Variants in PARD3B observed in about 807,000 individuals in gnomAD.
PARD3B encodes the protein partitioning defective 3 homolog B.
In PARD3B, 103 loss-of-function variants were observed where a neutral mutation model predicts 130.2. The observed-to-expected ratio is 0.79, with a 90% confidence interval of 0.67 to 0.93. The LOEUF is 0.93. Ranked by LOEUF, PARD3B falls within the 40% of genes least tolerant of loss-of-function variation. The pLI is 0.00. For missense variants in PARD3B, 1,609 were observed against 1,499.2 expected (o/e 1.07, Z -1.21); for synonymous variants, 583 against 553.2 (o/e 1.05, Z -0.76).
intron 1 of PARD3B, among the ~76,000 whole-genome samples, chr2:204,599,341 C>A (rs1048427279): frequency 6.6e-6 from 1 of 151,898 alleles, no homozygotes; most frequent in Non-Finnish European, 1.5e-5. Flanking sequence ...TACCTCTTTT[C>A]CCCCTACCTA....
At chr2:205,092,802 C>T (rs1307838979) in intron 4 of PARD3B, among the ~76,000 whole-genome samples, 3 of 152,118 alleles carry the variant, frequency 2.0e-5, no homozygotes, top group Admixed American at 6.6e-5. Flanking sequence ...AGTTTCCTTT[C>T]TCAGCTGGTG....
rs114862027 is a variant in PARD3B at position 205,118,874 on chromosome 2, G to A, written c.681-47G>A. ...ATAGTTGCAAGTGGAGAAATAATTAGCATTTATTATTCAGTAATTATATTT... is the reference window on the plus strand; with the variant it reads ...ATAGTTGCAAGTGGAGAAATAATTAACATTTATTATTCAGTAATTATATTT... On this transcript the variant is annotated intron_variant, in intron 6 of 22. Transcript: ENST00000406610. 1.7e-3 allele frequency: 2,158 copies of A among 1,252,170 alleles called. 35 individuals carry two copies. In the African/African-American group the frequency reaches 0.028, roughly 16 times the overall value. 77.6% of individuals were successfully genotyped at this position (1,252,170 alleles called of 1,614,324 possible).
chr2:205,156,564 A>T (rs2034184418), intron 10 of PARD3B, among the ~76,000 whole-genome samples: 1 of 151,172 alleles, frequency 6.6e-6, no homozygotes, highest in Non-Finnish European at 1.5e-5. Flanking sequence ...AGAGAGTCTG[A>T]CATAGGAACC....
chr2:204,672,051 G>A (rs1433545587), intron 1 of PARD3B, among the ~76,000 whole-genome samples: 3 of 152,056 alleles, frequency 2.0e-5, no homozygotes, highest in Admixed American at 1.3e-4. Flanking sequence ...ATTCCTGCTT[G>A]GGGCTTCCCT....
At chr2:204,925,241 G>A (rs1259116152) in intron 2 of PARD3B, among the ~76,000 whole-genome samples, 1 of 152,032 alleles carries the variant, frequency 6.6e-6, no homozygotes, top group Admixed American at 6.6e-5. Context: ...CTAAGCCTTG[G>A]CAGCTAGATA....
chr2:204,998,815 G>A (rs891031299), intron 3 of PARD3B, among the ~76,000 whole-genome samples: 8 of 152,100 alleles, frequency 5.3e-5, no homozygotes, highest in African/African-American at 1.9e-4. Flanking sequence ...CCTGGTTCAA[G>A]TGATTCTCCT....
chr2:204,877,371 A>G (rs1326336664), intron 2 of PARD3B, among the ~76,000 whole-genome samples: 3 of 152,182 alleles, frequency 2.0e-5, no homozygotes, highest in Admixed American at 6.5e-5. Context: ...CGTTGTGCAC[A>G]TATACCCTAG....
intron 1 of PARD3B, among the ~76,000 whole-genome samples, chr2:204,575,935 G>T (rs1304453071): frequency 6.6e-6 from 1 of 152,086 alleles, no homozygotes; most frequent in Non-Finnish European, 1.5e-5. Flanking sequence ...CTTGCTATGG[G>T]GAGCCTTGAT....
chr2:205,099,595 A>G (rs754914928), intron 4 of PARD3B, among the ~76,000 whole-genome samples: 7 of 152,326 alleles, frequency 4.6e-5, no homozygotes, highest in Non-Finnish European at 1.0e-4. Context: ...AATTTTTGGA[A>G]AAAATGATTT....
At chr2:205,534,878 T>G (rs981010971) in intron 21 of PARD3B, among the ~76,000 whole-genome samples, 3 of 152,202 alleles carry the variant, frequency 2.0e-5, no homozygotes, top group Non-Finnish European at 4.4e-5. Context: ...TGGTCTAGCT[T>G]GCTATGTTTT....
chr2:205,418,422 G>A (rs545274480), intron 19 of PARD3B, among the ~76,000 whole-genome samples: 51 of 146,488 alleles, frequency 3.5e-4, no homozygotes, highest in Non-Finnish European at 6.0e-4. Context: ...ACAAGTTCAT[G>A]ATTAAGGAGA....
chr2:205,236,836 CAG>C (rs1410122021), intron 15 of PARD3B, among the ~76,000 whole-genome samples: 8 of 152,064 alleles, frequency 5.3e-5, no homozygotes, highest in Middle Eastern at 3.4e-3. Flanking sequence ...TCAGTGGACA[CAG>C]AAAAAATACT....
At chr2:204,742,517 C>A (rs2040051214) in intron 2 of PARD3B, among the ~76,000 whole-genome samples, 1 of 152,174 alleles carries the variant, frequency 6.6e-6, no homozygotes, top group African/African-American at 2.4e-5. Context: ...GAGAGCATCA[C>A]TGGGGCAGCT....
At chr2:204,618,300 C>T (rs2034182942) in intron 1 of PARD3B, among the ~76,000 whole-genome samples, 1 of 152,134 alleles carries the variant, frequency 6.6e-6, no homozygotes, top group African/African-American at 2.4e-5. Flanking sequence ...GGCACAGACC[C>T]TTGGATCACA....
At chr2:204,849,587 G>A (rs943895655) in intron 2 of PARD3B, among the ~76,000 whole-genome samples, 1 of 152,102 alleles carries the variant, frequency 6.6e-6, no homozygotes, top group African/African-American at 2.4e-5. Flanking sequence ...ATCCCAAAAC[G>A]CTAATTTGCA....
chr2:205,042,437 A>G (rs1698461961), intron 3 of PARD3B, among the ~76,000 whole-genome samples: 1 of 152,172 alleles, frequency 6.6e-6, no homozygotes, highest in Non-Finnish European at 1.5e-5. Flanking sequence ...TGAATGTGGT[A>G]TAAGTCCTGA....
At chr2:204,589,986 C>G (rs1269198455) in intron 1 of PARD3B, among the ~76,000 whole-genome samples, 1 of 152,294 alleles carries the variant, frequency 6.6e-6, no homozygotes, top group South Asian at 2.1e-4. Context: ...AAATCCCTTC[C>G]TCCCTTGATA....
intron 2 of PARD3B, among the ~76,000 whole-genome samples, chr2:204,820,584 G>A (rs1191454172): frequency 6.6e-6 from 1 of 151,802 alleles, no homozygotes; most frequent in Non-Finnish European, 1.5e-5. Context: ...GGGGGCTGAG[G>A]CAGGCAGATC....
chr2:204,729,999 A>ACACACG (rs1491203370), intron 2 of PARD3B, among the ~76,000 whole-genome samples: 23 of 7,058 alleles, frequency 3.3e-3, no homozygotes, highest in Admixed American at 7.4e-3. Context: ...ACACACACAA[A>ACACACG]CACACACACA....
Sources: gnomAD v4.1 joint callset for allele counts (sites outside exome capture counted in the v4.1 genomes callset) on GRCh38, gnomAD v4.1.1 for gene constraint, MANE v1.5 for transcripts, NCBI Gene and HGNC (gene_info 2026-07-23, HGNC 2026-07-21) for gene names.